FAM53A: variants seen among roughly 807,000 people sequenced by gnomAD.
FAM53A encodes the protein protein FAM53A.
FAM53A carries 28 observed loss-of-function variants against 26.6 expected under a neutral mutation model. The ratio of observed to expected loss-of-function variants is 1.05; its 90% CI spans 0.78 to 1.45. FAM53A has a LOEUF of 1.45. FAM53A is among the 40% of genes most tolerant of loss of function. FAM53A has a pLI of 0.00. For missense variants in FAM53A, 650 were observed against 575.8 expected, an observed-to-expected ratio of 1.13 and a Z score of -1.32; for synonymous variants, 290 against 253.1, an observed-to-expected ratio of 1.15 and a Z score of -1.38.
At chr4:1,657,358 C>A (rs1713462831) in intron 3 of FAM53A, 50 bp downstream of exon 3, 1 of 1,558,078 alleles carries the variant, frequency 6.4e-7, no homozygotes. Flanking sequence ...GCCCAGGAGC[C>A]CAGTCCCAGC....
At chr4:1,621,997 C>A (rs1160803109) in intron 1 of FAM53A, among the ~76,000 whole-genome samples, 1 of 152,166 alleles carries the variant, frequency 6.6e-6, no homozygotes, top group African/African-American at 2.4e-5. Context: ...GAACGGGGCA[C>A]ATATTAAAGG....
At chr4:1,667,374 A>G (rs1427711593) in intron 2 of FAM53A, among the ~76,000 whole-genome samples, 2 of 152,168 alleles carry the variant, frequency 1.3e-5, no homozygotes, top group Non-Finnish European at 2.9e-5. Context: ...CAAGGCACTG[A>G]GACATCAGGC....
At chr4:1,579,304 G>C in the FAM53A span, among the ~76,000 whole-genome samples, 2 of 151,398 alleles carry the variant, frequency 1.3e-5, no homozygotes, top group African/African-American at 4.9e-5. Flanking sequence ...CCTCGGCTGG[G>C]CCCTGCCGCT....
At chr4:1,638,304 C>A (rs572684123), downstream of FAM53A, among the ~76,000 whole-genome samples, 8 of 152,238 alleles carry the variant, frequency 5.3e-5, no homozygotes, top group African/African-American at 1.4e-4. Context: ...CACACGCCAC[C>A]CTGTGCTAGG....
At chr4:1,626,213 A>C (rs999296950) in intron 1 of FAM53A, among the ~76,000 whole-genome samples, 1 of 152,040 alleles carries the variant, frequency 6.6e-6, no homozygotes, top group Non-Finnish European at 1.5e-5. Flanking sequence ...GCCCAGGAGG[A>C]GGAGGTAGGG....
the FAM53A span, among the ~76,000 whole-genome samples, chr4:1,577,126 C>T: frequency 2.0e-5 from 3 of 152,136 alleles, no homozygotes; most frequent in Non-Finnish European, 4.4e-5. Flanking sequence ...AGGCTGTCCT[C>T]GTGGTAGGGG....
chr4:1,620,675 A>AAAAGAAAAAGAAAG lies in FAM53A; in HGVS notation c.432-2578_432-2565dup, dbSNP rs1371517528. Among the ~76,000 whole-genome samples the AAAAGAAAAAGAAAG allele has an allele frequency of 1.4e-3, 207 of 150,304 alleles. 1 individual carries two copies. Among genetic ancestry groups the AAAAGAAAAAGAAAG allele is most frequent in the Non-Finnish European group, 2.4e-3 (163 of 67,826 alleles). On this transcript the variant is annotated intron_variant, in intron 1 of 1. Coordinates refer to the FAM53A transcript ENST00000489029. ...ACTGCAAGACTCTGTCTCACAAAAAAAAAGAAAAAGAAAGAAAGAAAAAAC... is the reference window on the plus strand; with the variant it reads ...ACTGCAAGACTCTGTCTCACAAAAAAAAAGAAAAAGAAAGAAAGAAAAAGAAAGAAAGAAAAAAC...
downstream of FAM53A, among the ~76,000 whole-genome samples, chr4:1,637,214 A>G (rs954875393): frequency 3.9e-5 from 6 of 152,032 alleles, no homozygotes; most frequent in Non-Finnish European, 8.8e-5. Flanking sequence ...GGGGATGGCC[A>G]GAGAATAGGC....
At chr4:1,610,229 C>A in the FAM53A span, among the ~76,000 whole-genome samples, 1 of 152,066 alleles carries the variant, frequency 6.6e-6, no homozygotes, top group African/African-American at 2.4e-5. Context: ...TCCCTACACC[C>A]CACTCAACGC....
At chr4:1,578,636 C>A in the FAM53A span, among the ~76,000 whole-genome samples, 2 of 150,622 alleles carry the variant, frequency 1.3e-5, no homozygotes, top group South Asian at 2.1e-4. Context: ...GCCCTCCACG[C>A]CCACCTACGA....
At chr4:1,648,834 C>T (rs1480058554) in intron 4 of FAM53A, among the ~76,000 whole-genome samples, 6 of 152,150 alleles carry the variant, frequency 3.9e-5, no homozygotes, top group Admixed American at 6.5e-5. Context: ...CGGGGCAAGC[C>T]GGGAGTGGTG....
At chr4:1,579,364 G>A in the FAM53A span, among the ~76,000 whole-genome samples, 71 of 151,870 alleles carry the variant, frequency 4.7e-4, no homozygotes, top group South Asian at 0.014. Flanking sequence ...CCGCCCTCGG[G>A]CCCCCACGGT....
chr4:1,635,770 A>G (rs1460204057), downstream of FAM53A, among the ~76,000 whole-genome samples: 1 of 151,156 alleles, frequency 6.6e-6, no homozygotes, highest in Non-Finnish European at 1.5e-5. Flanking sequence ...TCTGAAACAC[A>G]TGAGGTTTTG....
intron 4 of FAM53A, among the ~76,000 whole-genome samples, chr4:1,652,933 ACCC>A (rs936406267): frequency 6.2e-5 from 9 of 145,910 alleles, no homozygotes; most frequent in Admixed American, 4.1e-4. Context: ...CACCACACAC[ACCC>A]CCACCACACA....
chr4:1,600,828 G>T, the FAM53A span, among the ~76,000 whole-genome samples: 6 of 152,198 alleles, frequency 3.9e-5, no homozygotes, highest in African/African-American at 1.2e-4. Context: ...CTTCCCTGTC[G>T]CTGTGTCTTC....
chr4:1,603,851 G>T, the FAM53A span, among the ~76,000 whole-genome samples: 3 of 152,202 alleles, frequency 2.0e-5, no homozygotes, highest in Non-Finnish European at 4.4e-5. Flanking sequence ...AGGCGTCCTG[G>T]GCAGTGCCCT....
At chr4:1,658,987 A>C (rs1047726816) in intron 2 of FAM53A, among the ~76,000 whole-genome samples, 1 of 152,260 alleles carries the variant, frequency 6.6e-6, no homozygotes, top group African/African-American at 2.4e-5. Context: ...GCCTAAGCCC[A>C]TGGCATCACG....
chr4:1,626,221 G>C (rs957700048), intron 1 of FAM53A, among the ~76,000 whole-genome samples: 1 of 152,222 alleles, frequency 6.6e-6, no homozygotes, highest in Non-Finnish European at 1.5e-5. Flanking sequence ...GGAGGAGGTA[G>C]GGGTCAGGCC....
rs945731841 is a variant in FAM53A at position 1,665,320 on chromosome 4, TA to T, written c.75+3346del. Among the ~76,000 whole-genome samples the T allele has an allele frequency of 2.7e-4, 39 of 146,810 alleles. No homozygotes were observed. In the East Asian group the frequency reaches 4.6e-3, roughly 17 times the overall value. On this transcript the variant is annotated intron_variant, in intron 2 of 4. Transcript: ENST00000308132. ...GTGACAGAGCAAGACTCCATCACTT[TA>T]AAAAAAAAAATTAAAAAATAGGTTG...
Sources: allele counts gnomAD v4.1 joint callset (sites outside exome capture counted in the v4.1 genomes callset), GRCh38; gene constraint gnomAD v4.1.1; transcripts MANE v1.5; gene names NCBI Gene and HGNC (gene_info 2026-07-23, HGNC 2026-07-21).